HDAC9: variants seen among roughly 807,000 people sequenced by gnomAD.
HDAC9 encodes MEF-2 interacting transcription repressor (MITR) protein.
Under a neutral mutation model 139.4 loss-of-function variants are expected in HDAC9, and 41 were observed. The observed-to-expected ratio is 0.29, with a 90% CI of 0.23 to 0.38. The LOEUF (loss-of-function observed/expected upper bound fraction) is 0.38, where lower values mean the gene tolerates loss of function less well. HDAC9 is among the 10% of genes least tolerant of loss of function. The pLI is 1.00. For missense variants in HDAC9, 1,147 were observed against 1,297.0 expected (o/e 0.88, Z 1.78); for synonymous variants, 517 against 476.2 (o/e 1.09, Z -1.12).
chr7:18,945,870 C>G (rs1782349323), intron 23 of HDAC9, among the ~76,000 whole-genome samples: 1 of 151,636 alleles, frequency 6.6e-6, no homozygotes, highest in Admixed American at 6.6e-5. Flanking sequence ...AACCCCATCT[C>G]TACTAAAAAT....
Position 18,732,618 on chromosome 7 carries a change from T to TATAC in HDAC9, c.1909+4862_1909+4863insTACA, listed in dbSNP as rs1444534170. 9.9e-4 allele frequency among the ~76,000 whole-genome samples: 96 copies of TATAC among 97,164 alleles called. 4 individuals are homozygous for TATAC. The highest frequency in any genetic ancestry group is 1.7e-3 in the Non-Finnish European group (80 of 47,320). The allele number at this position is 97,164 out of a possible 152,430, so 63.7% of individuals were successfully genotyped here. A position where few individuals can be genotyped will look rare whatever the true frequency, so the allele number is the denominator to read the frequency against. ...GTGTATATGTGTGCATATGTGTATA[T>TATAC]ACACACACGTGTATATGTGTGCATA... On this transcript the variant is annotated intron_variant, in intron 13 of 25. Coordinates refer to ENST00000686413, the MANE Select transcript of HDAC9 (RefSeq NM_178425.4).
chr7:18,485,256 A>G (rs1251659817), intron 1 of HDAC9, among the ~76,000 whole-genome samples: 1 of 152,138 alleles, frequency 6.6e-6, no homozygotes, highest in African/African-American at 2.4e-5. Context: ...TTAAAATGTC[A>G]GATTTGGCTT....
chr7:18,318,429 A>ACGATAACTACAGACAG, intron 1 of HDAC9, among the ~76,000 whole-genome samples: 1 of 152,296 alleles, frequency 6.6e-6, no homozygotes, highest in African/African-American at 2.4e-5. Context: ...ATTTGTTTCA[A>ACGATAACTACAGACAG]CGATAACTAC....
chr7:18,120,315 C>T (rs74694491), intron 1 of HDAC9, among the ~76,000 whole-genome samples: 2,202 of 152,260 alleles, frequency 0.014, 48 homozygotes, highest in African/African-American at 0.05. Flanking sequence ...TTGAGAAATC[C>T]TGCTTTACAG....
At chr7:18,252,703 C>T (rs180738177) in intron 2 of HDAC9, among the ~76,000 whole-genome samples, 170 of 139,522 alleles carry the variant, frequency 1.2e-3, no homozygotes, top group South Asian at 1.8e-3. Flanking sequence ...GAATCTGAAC[C>T]TGAAATCACA....
intron 1 of HDAC9, among the ~76,000 whole-genome samples, chr7:18,381,987 G>A (rs929173400): frequency 7.2e-5 from 11 of 152,006 alleles, no homozygotes; most frequent in East Asian, 3.9e-4. Context: ...TTTTCTAAAC[G>A]TAGTAATAAT....
At chr7:18,637,008 GA>G (rs1343940823) in intron 8 of HDAC9, among the ~76,000 whole-genome samples, 3 of 152,034 alleles carry the variant, frequency 2.0e-5, no homozygotes, top group Non-Finnish European at 4.4e-5. Context: ...ATTGAAAAAT[GA>G]AAACAACACA....
chr7:18,207,050 C>T (rs1447525397), intron 2 of HDAC9, among the ~76,000 whole-genome samples: 6 of 151,702 alleles, frequency 4.0e-5, no homozygotes, highest in Non-Finnish European at 7.4e-5. Context: ...ATTCTCCAGC[C>T]CCAGCCTCCC....
intron 22 of HDAC9, among the ~76,000 whole-genome samples, chr7:18,894,863 A>G (rs1801030667): frequency 6.6e-6 from 1 of 152,142 alleles, no homozygotes. Context: ...GGGCTTAGAT[A>G]CAGGAGAATT....
At chr7:18,804,962 T>C (rs145575276) in intron 17 of HDAC9, among the ~76,000 whole-genome samples, 88 of 152,200 alleles carry the variant, frequency 5.8e-4, no homozygotes, top group Middle Eastern at 3.4e-3. Flanking sequence ...GCCTGGCTAA[T>C]TTTTTGTATT....
intron 22 of HDAC9, among the ~76,000 whole-genome samples, chr7:18,875,209 C>G (rs138927899): frequency 6.6e-6 from 1 of 152,194 alleles, no homozygotes; most frequent in African/African-American, 2.4e-5. Flanking sequence ...CTAATGGAAT[C>G]TGGCTAGAAA....
chr7:18,137,170 G>C (rs1179610508), intron 1 of HDAC9, among the ~76,000 whole-genome samples: 2 of 137,278 alleles, frequency 1.5e-5, no homozygotes, highest in East Asian at 2.1e-4. Context: ...CTGAGACTTT[G>C]CTGAAGTTGC....
chr7:18,858,883 C>T (rs1158238493), intron 21 of HDAC9, among the ~76,000 whole-genome samples: 1 of 152,134 alleles, frequency 6.6e-6, no homozygotes, highest in African/African-American at 2.4e-5. Context: ...TCCCTTCTAA[C>T]TCACAGAAAC....
Position 18,752,661 on chromosome 7 carries a change from T to A in HDAC9, c.2043+3523T>A, listed in dbSNP as rs1788550455. 2.0e-5 allele frequency among the ~76,000 whole-genome samples: 3 copies of A among 152,204 alleles called. No homozygotes were observed. In the South Asian group the frequency reaches 6.2e-4, roughly 32 times the overall value. ...TATGAACAATTTCCTCTCTTTGTTG[T>A]GGGAAATAAGAACTCAGTTGTTTCA... On this transcript the variant is annotated intron_variant, in intron 14 of 25. Transcript: ENST00000686413.
chr7:18,128,421 CT>C (rs994653299), intron 1 of HDAC9, among the ~76,000 whole-genome samples: 20 of 152,040 alleles, frequency 1.3e-4, no homozygotes, highest in Admixed American at 1.3e-3. Context: ...GCTTTGTTGT[CT>C]GTAAAATCAA....
chr7:18,763,493 G>T (rs538213467), intron 15 of HDAC9, among the ~76,000 whole-genome samples: 3 of 152,112 alleles, frequency 2.0e-5, no homozygotes, highest in East Asian at 3.9e-4. Flanking sequence ...GTATACTATC[G>T]AATTAACATT....
chr7:18,776,426 T>C (rs1790773070), intron 16 of HDAC9, among the ~76,000 whole-genome samples: 1 of 152,124 alleles, frequency 6.6e-6, no homozygotes, highest in South Asian at 2.1e-4. Context: ...TTTGCTCACT[T>C]ATTTAGTAAT....
intron 1 of HDAC9, among the ~76,000 whole-genome samples, chr7:18,393,551 G>A (rs1031781090): frequency 1.3e-5 from 2 of 152,076 alleles, no homozygotes; most frequent in Admixed American, 6.6e-5. Context: ...AGGCAGGGAG[G>A]GGGAGGCATG....
chr7:18,753,554 A>T (rs1406450096), intron 14 of HDAC9, among the ~76,000 whole-genome samples: 2 of 152,126 alleles, frequency 1.3e-5, no homozygotes, highest in East Asian at 3.8e-4. Context: ...CAGAGCAGTC[A>T]ATTTTACAAT....
Sources: gnomAD v4.1 joint callset for allele counts (sites outside exome capture counted in the v4.1 genomes callset) on GRCh38, gnomAD v4.1.1 for gene constraint, MANE v1.5 for transcripts, NCBI Gene and HGNC (gene_info 2026-07-23, HGNC 2026-07-21) for gene names.